SFRP1: variants seen among roughly 807,000 people sequenced by gnomAD.
The protein encoded by SFRP1 is secreted frizzled related protein 1.
Under a neutral mutation model 25.9 loss-of-function variants are expected in SFRP1, and 9 were observed. The ratio of observed to expected loss-of-function variants is 0.35; its 90% CI spans 0.21 to 0.61. The LOEUF is 0.61. Among genes scored for constraint, SFRP1 ranks in the 20% least tolerant of loss-of-function variants. SFRP1 has a pLI of 0.78. For missense variants in SFRP1, 346 were observed against 418.2 expected (o/e 0.83, Z 1.51); for synonymous variants, 178 against 174.0 (o/e 1.02, Z -0.18).
intron 2 of SFRP1, among the ~76,000 whole-genome samples, chr8:41,297,322 G>A (rs942514383): frequency 6.6e-6 from 1 of 152,162 alleles, no homozygotes; most frequent in Non-Finnish European, 1.5e-5. Context: ...GGGATTACAG[G>A]TGTGAGTCAC....
chr8:41,276,983 T>C (rs1239414900), intron 2 of SFRP1: 1 of 456,222 alleles, frequency 2.2e-6, no homozygotes, highest in African/African-American at 2.0e-5. Context: ...GTGTCAGCCA[T>C]CCAGAATCCT....
intron 2 of SFRP1, among the ~76,000 whole-genome samples, chr8:41,268,104 C>T (rs1803458680): frequency 6.6e-6 from 1 of 152,190 alleles, no homozygotes; most frequent in Non-Finnish European, 1.5e-5. Flanking sequence ...GGCGAGCGCC[C>T]TCTTGTCTGC....
rs534473570 is a variant in SFRP1 at position 41,287,969 on chromosome 8, G to A, written c.622+15492C>T. Among the ~76,000 whole-genome samples, 231 of 152,262 alleles carry A rather than the reference G, an allele frequency of 1.5e-3. 1 individual carries two copies. Among genetic ancestry groups the A allele is most frequent in the African/African-American group, 5.2e-3 (216 of 41,552 alleles). On this transcript the variant is annotated intron_variant, in intron 2 of 2. Coordinates refer to ENST00000220772, the MANE Select transcript of SFRP1 (RefSeq NM_003012.5). Reference sequence around the variant, plus strand: ...GAACTGCACTTTGTATGCTGGACATGGCAGCTCATGCCTATAGGCAGGAGG... The same window carrying A: ...GAACTGCACTTTGTATGCTGGACATAGCAGCTCATGCCTATAGGCAGGAGG...
At chr8:41,303,052 T>TAAAAA (rs397891660) in intron 2 of SFRP1, among the ~76,000 whole-genome samples, 1 of 101,214 alleles carries the variant, frequency 9.9e-6, no homozygotes, top group African/African-American at 3.7e-5. Context: ...GGGTAGATGT[T>TAAAAA]AAAAAAAAAA....
At chr8:41,293,300 G>A (rs967622258) in intron 2 of SFRP1, among the ~76,000 whole-genome samples, 41 of 152,212 alleles carry the variant, frequency 2.7e-4, no homozygotes, top group African/African-American at 9.2e-4. Flanking sequence ...AGACAGCTGC[G>A]AATTGGAAGG....
intron 2 of SFRP1, among the ~76,000 whole-genome samples, chr8:41,283,823 A>C (rs569570085): frequency 6.6e-6 from 1 of 152,132 alleles, no homozygotes; most frequent in Non-Finnish European, 1.5e-5. Context: ...TTGGCCTCCC[A>C]AAGTGCTGGG....
intron 1 of SFRP1, chr8:41,307,012 C>A (rs1366156913): frequency 1.4e-6 from 2 of 1,445,064 alleles, no homozygotes; most frequent in Non-Finnish European, 1.8e-6. Flanking sequence ...CAGAAAGAGA[C>A]CATCGGAAGC....
chr8:41,303,557 A>G lies in SFRP1; in HGVS notation c.545-19T>C. The G allele has an allele frequency of 6.2e-7, 1 of 1,603,638 alleles. No homozygotes were observed. Among genetic ancestry groups the G allele is most frequent in the African/African-American group, 1.3e-5 (1 of 74,786 alleles). The stretch of plus-strand genomic sequence containing the variant: ...GTTGTGCCTGGGAAAGGAAGTAGGG[A>G]GAAACGGAACTGTAAGTTACAGAGC... On this transcript the variant is annotated intron_variant, in intron 1 of 2. Coordinates refer to ENST00000220772, the MANE Select transcript of SFRP1 (RefSeq NM_003012.5).
At position 41,296,162 on chromosome 8, in the gene SFRP1, T is replaced by C. The variant is rs182735091; in HGVS notation, c.622+7299A>G. On this transcript the variant is annotated intron_variant, in intron 2 of 2. Coordinates refer to ENST00000220772, the MANE Select transcript of SFRP1 (RefSeq NM_003012.5). Reference sequence around the variant, plus strand: ...GGCACAGTGGGAGTGACAGCACTAGTGGCAGGCCAGACCCCATACACAGCA... The same window carrying C: ...GGCACAGTGGGAGTGACAGCACTAGCGGCAGGCCAGACCCCATACACAGCA... 5.8e-3 allele frequency among the ~76,000 whole-genome samples: 876 copies of C among 152,340 alleles called. 10 individuals are homozygous for C. The highest frequency in any genetic ancestry group is 0.02 in the African/African-American group (837 of 41,582).
Position 41,265,138 on chromosome 8 carries a change from G to GTCCCCCCCC in SFRP1, c.*28_*29insGGGGGGGGA. 2 of 508,948 alleles carry GTCCCCCCCC rather than the reference G, an allele frequency of 3.9e-6. No homozygotes were observed. The highest frequency in any genetic ancestry group is 2.0e-5 in the South Asian group (1 of 50,516). 31.5% of individuals were successfully genotyped at this position (508,948 alleles called of 1,614,324 possible). ...CCCCCCCGCTCCCACCCCACCCGAGGCTCCCTCCCCACCCTGCCCCCGGGA... is the reference window on the plus strand; with the variant it reads ...CCCCCCCGCTCCCACCCCACCCGAGGTCCCCCCCCCTCCCTCCCCACCCTGCCCCCGGGA... On this transcript the variant is annotated 3_prime_UTR_variant, in exon 3 of 3. Coordinates refer to ENST00000220772, the MANE Select transcript of SFRP1 (RefSeq NM_003012.5).
At chr8:41,293,013 T>C (rs1803796692) in intron 2 of SFRP1, among the ~76,000 whole-genome samples, 1 of 152,234 alleles carries the variant, frequency 6.6e-6, no homozygotes, top group Non-Finnish European at 1.5e-5. Context: ...AAGCAGCGGC[T>C]GCGGGTTACG....
Position 41,308,822 on chromosome 8 carries a change from A to G in SFRP1, c.338T>C (p.Leu113Pro). 1 of 1,610,684 alleles carries G rather than the reference A, an allele frequency of 6.2e-7. No homozygotes were observed. Among genetic ancestry groups the G allele is most frequent in the Non-Finnish European group, 8.5e-7 (1 of 1,179,304 alleles). Reference sequence around the variant, plus strand: ...GCAGACGGGCGCGAAGAGCGAGCAGAGGAAGACCTGGGTGCCGGCGTGGCA... The same window carrying G: ...GCAGACGGGCGCGAAGAGCGAGCAGGGGAAGACCTGGGTGCCGGCGTGGCA... ...KNCHAGTQVF[L>P]CSLFAPVCLD... Residue 113 changes from leucine (L) to proline (P), a missense_variant, in exon 1 of 3, where the codon CTC becomes CCC. Transcript: ENST00000220772.
intron 2 of SFRP1, among the ~76,000 whole-genome samples, chr8:41,299,242 T>C (rs1803882154): frequency 6.6e-6 from 1 of 152,088 alleles, no homozygotes; most frequent in Non-Finnish European, 1.5e-5. Context: ...AGCTCCATTT[T>C]GTACAGATCT....
At chr8:41,280,980 C>T (rs191813234) in intron 2 of SFRP1, among the ~76,000 whole-genome samples, 12 of 152,352 alleles carry the variant, frequency 7.9e-5, no homozygotes, top group Admixed American at 5.9e-4. Flanking sequence ...CTCCAGGGAC[C>T]GTGCTTCTCT....
intron 2 of SFRP1, among the ~76,000 whole-genome samples, chr8:41,287,962 T>C (rs1803726985): frequency 6.6e-6 from 1 of 152,068 alleles, no homozygotes; most frequent in African/African-American, 2.4e-5. Context: ...CTTTGTATGC[T>C]GGACATGGCA....
At chr8:41,280,882 G>A (rs369349609) in intron 2 of SFRP1, among the ~76,000 whole-genome samples, 2 of 152,162 alleles carry the variant, frequency 1.3e-5, no homozygotes, top group Admixed American at 6.5e-5. Context: ...TCCCAGAAGC[G>A]TTCCTAGCAT....
Position 41,286,110 on chromosome 8 carries a change from G to A in SFRP1, c.622+17351C>T, listed in dbSNP as rs143687411. Among the ~76,000 whole-genome samples, 11 of 152,256 alleles carry A rather than the reference G, an allele frequency of 7.2e-5. 1 individual carries two copies. In the East Asian group the frequency reaches 1.2e-3, roughly 16 times the overall value. Reference sequence around the variant, plus strand: ...TGGCATCACCCCACTTCCAAAGAGCGTCGGGAATGGGGGGACAGGGATGGG... The same window carrying A: ...TGGCATCACCCCACTTCCAAAGAGCATCGGGAATGGGGGGACAGGGATGGG... On this transcript the variant is annotated intron_variant, in intron 2 of 2. Coordinates refer to ENST00000220772, the MANE Select transcript of SFRP1 (RefSeq NM_003012.5).
chr8:41,309,010 G>A lies in SFRP1; in HGVS notation c.150C>T (p.Arg50=). The change falls in exon 1 of 3, where the codon CGC becomes CGT. Residue 50 remains arginine, a synonymous_variant. Transcript: ENST00000220772. The part of the protein sequence containing the change: ...QSDIGPYQSG[R]FYTKPPQCVD... ...CGCACTGAGGTGGCTTGGTGTAGAA[G>A]CGCCCGCTCTGGTACGGGCCGATGT... is the stretch of plus-strand genomic sequence containing the variant. The A allele has an allele frequency of 1.2e-6, 2 of 1,611,964 alleles. No individual in the cohort carries two copies. The highest frequency in any genetic ancestry group is 1.6e-4 in the Middle Eastern group (1 of 6,062).
At position 41,309,218 on chromosome 8, in the gene SFRP1, G is replaced by C; in HGVS notation, c.-59C>G. The C allele has an allele frequency of 7.9e-6, 10 of 1,264,956 alleles. No homozygotes were observed. The highest frequency in any genetic ancestry group is 9.9e-6 in the Non-Finnish European group (10 of 1,011,896). The allele number at this position is 1,264,956 out of a possible 1,614,324, so 78.4% of individuals were successfully genotyped here. ...GGCTGCCTCCGCCGCCTCCCCGCGC[G>C]CGTCCTGCCGCAAACTTCCAGGGAC... On this transcript the variant is annotated 5_prime_UTR_variant, in exon 1 of 3. Coordinates refer to ENST00000220772, the MANE Select transcript of SFRP1 (RefSeq NM_003012.5).
Sources: gnomAD v4.1 joint callset for allele counts (sites outside exome capture counted in the v4.1 genomes callset) on GRCh38, gnomAD v4.1.1 for gene constraint, MANE v1.5 for transcripts, NCBI Gene and HGNC (gene_info 2026-07-23, HGNC 2026-07-21) for gene names.